Variants in ENTPD1 observed in about 807,000 individuals in gnomAD.
The protein encoded by ENTPD1 is ectonucleoside triphosphate diphosphohydrolase 1.
ENTPD1 carries 33 observed loss-of-function variants against 57.0 expected under a neutral mutation model. That is an observed-to-expected ratio of 0.58 (90% confidence interval 0.44 to 0.77). The LOEUF (loss-of-function observed/expected upper bound fraction) is 0.77, where lower values mean the gene tolerates loss of function less well. ENTPD1 is among the 30% of genes least tolerant of loss of function. The pLI is 0.00. For missense variants in ENTPD1, 501 were observed against 603.4 expected (o/e 0.83, Z 1.78); for synonymous variants, 202 against 218.8 (o/e 0.92, Z 0.68).
chr10:95,797,175 A>T (rs113952303), intron 1 of ENTPD1, among the ~76,000 whole-genome samples: 1,623 of 152,220 alleles, frequency 0.011, 28 homozygotes, highest in African/African-American at 0.036. Context: ...AAGTGGGAAT[A>T]TAGGGGGACT....
chr10:95,857,392 T>C (rs1395388328), intron 7 of ENTPD1, among the ~76,000 whole-genome samples: 2 of 152,358 alleles, frequency 1.3e-5, no homozygotes, highest in East Asian at 3.9e-4. Flanking sequence ...CTTTTGCTAA[T>C]AGAATAAGCT....
intron 1 of ENTPD1, among the ~76,000 whole-genome samples, chr10:95,735,689 G>A (rs1014799694): frequency 4.6e-5 from 7 of 151,596 alleles, no homozygotes; most frequent in African/African-American, 7.3e-5. Context: ...TCCACCTCCC[G>A]GGTTCAAGTG....
At chr10:95,782,597 GAGTT>G (rs2098162255) in intron 1 of ENTPD1, among the ~76,000 whole-genome samples, 2 of 152,144 alleles carry the variant, frequency 1.3e-5, no homozygotes, top group South Asian at 2.1e-4. Flanking sequence ...TTGGGCAAAA[GAGTT>G]AGGGCAATTT....
intron 1 of ENTPD1, among the ~76,000 whole-genome samples, chr10:95,750,534 G>T (rs1344147706): frequency 6.6e-6 from 1 of 152,012 alleles, no homozygotes; most frequent in Non-Finnish European, 1.5e-5. Context: ...AGATGCTGGT[G>T]CCATGCTTCT....
intron 1 of ENTPD1, among the ~76,000 whole-genome samples, chr10:95,742,833 TG>T (rs1288721548): frequency 6.6e-6 from 1 of 152,204 alleles, no homozygotes; most frequent in East Asian, 1.9e-4. Context: ...ATCTATACAC[TG>T]TTAACATATT....
chr10:95,853,223 C>T (rs1361424511), intron 7 of ENTPD1, among the ~76,000 whole-genome samples: 1 of 152,166 alleles, frequency 6.6e-6, no homozygotes, highest in African/African-American at 2.4e-5. Context: ...CATAATTTGG[C>T]TCTCTGTTTG....
At chr10:95,837,057 C>T (rs189675756) in intron 2 of ENTPD1, among the ~76,000 whole-genome samples, 1 of 152,346 alleles carries the variant, frequency 6.6e-6, no homozygotes, top group African/African-American at 2.4e-5. Flanking sequence ...GCTTTACCCC[C>T]TTCTCAAACA....
At chr10:95,858,233 C>G (rs2098459032) in intron 7 of ENTPD1, among the ~76,000 whole-genome samples, 1 of 151,568 alleles carries the variant, frequency 6.6e-6, no homozygotes, top group Non-Finnish European at 1.5e-5. Context: ...TCCTAGAGAC[C>G]CCTCTAAGGA....
At chr10:95,735,892 C>T (rs769105827) in intron 1 of ENTPD1, among the ~76,000 whole-genome samples, 4 of 152,072 alleles carry the variant, frequency 2.6e-5, no homozygotes, top group African/African-American at 4.8e-5. Flanking sequence ...CCACTGCCCC[C>T]GGCTGACTTT....
rs1457858224 is a variant in ENTPD1 at position 95,874,879 on chromosome 10, A to G, written c.*8496A>G. On this transcript the variant is annotated 3_prime_UTR_variant, in exon 10 of 10. Coordinates refer to ENST00000371205, the MANE Select transcript of ENTPD1 (RefSeq NM_001776.6). ...CCTCTACCCTCTGAAGCCACAGCCC[A>G]AGCTCTATGTTGGCTCCTTTCAGCC... is the stretch of plus-strand genomic sequence containing the variant. Among the ~76,000 whole-genome samples, 1 of 152,226 alleles carries G rather than the reference A, an allele frequency of 6.6e-6. No individual in the cohort carries two copies. Among genetic ancestry groups the G allele is most frequent in the African/African-American group, 2.4e-5 (1 of 41,466 alleles).
At chr10:95,757,785 A>G (rs1369055876) in intron 1 of ENTPD1, among the ~76,000 whole-genome samples, 1 of 151,922 alleles carries the variant, frequency 6.6e-6, no homozygotes, top group East Asian at 1.9e-4. Flanking sequence ...TGGGCGGATC[A>G]CCTGAGGTCA....
At chr10:95,699,871 G>A in the ENTPD1 span, among the ~76,000 whole-genome samples, 1 of 152,154 alleles carries the variant, frequency 6.6e-6, no homozygotes, top group East Asian at 1.9e-4. Flanking sequence ...GAATATCCAT[G>A]GAAAGGGACT....
At chr10:95,821,024 A>G (rs796702455) in intron 1 of ENTPD1, among the ~76,000 whole-genome samples, 2 of 152,372 alleles carry the variant, frequency 1.3e-5, no homozygotes, top group African/African-American at 4.8e-5. Flanking sequence ...TTATTATGGT[A>G]GAAACATTGC....
chr10:95,744,620 C>CAA (rs35460146), intron 1 of ENTPD1, among the ~76,000 whole-genome samples: 6 of 140,834 alleles, frequency 4.3e-5, no homozygotes, highest in Admixed American at 7.0e-5. Flanking sequence ...GACTCTGTCT[C>CAA]AAAAAAAAAA....
chr10:95,707,209 G>C (rs2139795581), upstream of ENTPD1, among the ~76,000 whole-genome samples: 1 of 152,290 alleles, frequency 6.6e-6, no homozygotes, highest in South Asian at 2.1e-4. Context: ...GGCAGATCCT[G>C]CCTGCTCCTG....
At chr10:95,852,296 ATTTG>A (rs1484662652) in intron 7 of ENTPD1, among the ~76,000 whole-genome samples, 3 of 152,010 alleles carry the variant, frequency 2.0e-5, no homozygotes, top group African/African-American at 7.3e-5. Context: ...TTTCTTGTAA[ATTTG>A]TTTGAGTTCA....
At chr10:95,814,831 G>A (rs774220912) in intron 1 of ENTPD1, among the ~76,000 whole-genome samples, 1 of 152,098 alleles carries the variant, frequency 6.6e-6, no homozygotes, top group Non-Finnish European at 1.5e-5. Flanking sequence ...CAATTACCTT[G>A]TCTTTCTACC....
chr10:95,872,227 T>G lies in ENTPD1; in HGVS notation c.*5844T>G. 1.0e-6 allele frequency: 1 copy of G among 985,472 alleles called. No individual in the cohort carries two copies. The highest frequency in any genetic ancestry group is 1.2e-6 in the Non-Finnish European group (1 of 829,936). The allele number at this position is 985,472 out of a possible 1,614,324, so 61.0% of individuals were successfully genotyped here. On this transcript the variant is annotated 3_prime_UTR_variant, in exon 10 of 10. Coordinates refer to ENST00000371205, the MANE Select transcript of ENTPD1 (RefSeq NM_001776.6). ...ATCTTTGCAAAGCACAGGCTTAATT[T>G]CATTGCTGCTCAACTAAAACCACTG...
intron 1 of ENTPD1, among the ~76,000 whole-genome samples, chr10:95,768,713 C>G (rs1476506524): frequency 6.6e-6 from 1 of 152,096 alleles, no homozygotes. Context: ...TGGCAACATC[C>G]TCTTGTACAG....
Sources: gnomAD v4.1 joint callset for allele counts (sites outside exome capture counted in the v4.1 genomes callset) on GRCh38, gnomAD v4.1.1 for gene constraint, MANE v1.5 for transcripts, NCBI Gene and HGNC (gene_info 2026-07-23, HGNC 2026-07-21) for gene names.